Variants in SCUBE1 observed in about 807,000 individuals in gnomAD.
The protein encoded by SCUBE1 is signal peptide, CUB and EGF-like domain-containing protein 1.
Under a neutral mutation model 124.4 loss-of-function variants are expected in SCUBE1, and 59 were observed. The ratio of observed to expected loss-of-function variants is 0.47; its 90% CI spans 0.38 to 0.59. The LOEUF is 0.59. Among genes scored for constraint, SCUBE1 ranks in the 20% least tolerant of loss-of-function variants. The pLI, the probability that SCUBE1 is intolerant of heterozygous loss-of-function variation, is 0.00. For missense variants in SCUBE1, 1,150 were observed against 1,371.2 expected (o/e 0.84, Z 2.55); for synonymous variants, 545 against 550.9 (o/e 0.99, Z 0.15).
chr22:43,262,463 G>A lies in SCUBE1; in HGVS notation c.610+257C>T, dbSNP rs536253505. ...TTCCTGCTGGACAGCTTAGGCTCAG[G>A]GGCTGCCATAAGATCCAGCCCAGCT... On this transcript the variant is annotated intron_variant, in intron 5 of 21. Transcript: ENST00000360835. 1.1e-4 allele frequency among the ~76,000 whole-genome samples: 17 copies of A among 152,288 alleles called. No homozygotes were observed. The East Asian group carries it at 1.5e-3, about 14-fold the overall frequency.
chr22:43,292,934 C>T (rs1027652057), intron 3 of SCUBE1, among the ~76,000 whole-genome samples: 12 of 152,248 alleles, frequency 7.9e-5, no homozygotes, highest in Admixed American at 4.6e-4. Context: ...GTGGCCCTCG[C>T]TGAGAGGAGC....
At chr22:43,245,920 G>A (rs1431240829) in intron 6 of SCUBE1, among the ~76,000 whole-genome samples, 1 of 152,142 alleles carries the variant, frequency 6.6e-6, no homozygotes, top group Non-Finnish European at 1.5e-5. Flanking sequence ...CTCGTGACTA[G>A]TGGGCGGGTG....
chr22:43,202,327 C>CG lies in SCUBE1; in HGVS notation c.*1669dup, dbSNP rs375453635. 6.6e-6 allele frequency: 1 copy of CG among 152,188 alleles called. No homozygotes were observed. The highest frequency in any genetic ancestry group is 2.4e-5 in the African/African-American group (1 of 41,416). The allele number at this position is 152,188 out of a possible 1,614,324, so 9.4% of individuals were successfully genotyped here. A position where few individuals can be genotyped will look rare whatever the true frequency, so the allele number is the denominator to read the frequency against. On this transcript the variant is annotated 3_prime_UTR_variant, in exon 22 of 22. Coordinates refer to ENST00000360835, the MANE Select transcript of SCUBE1 (RefSeq NM_173050.5). ...TGTTTCTCGCCAGCCAGGCTGGGCCCGGGGGTGACCAGGAGGAACCCTAGA... is the reference window on the plus strand; with the variant it reads ...TGTTTCTCGCCAGCCAGGCTGGGCCCGGGGGGTGACCAGGAGGAACCCTAGA...
chr22:43,235,265 G>GT (rs1482414000), intron 7 of SCUBE1, among the ~76,000 whole-genome samples: 1 of 152,174 alleles, frequency 6.6e-6, no homozygotes, highest in Non-Finnish European at 1.5e-5. Flanking sequence ...GCTTGAGTGG[G>GT]TGTGCATGGG....
chr22:43,221,342 G>A (rs2146668405), intron 12 of SCUBE1, 53 bp from the exon 13 acceptor site: 3 of 1,083,694 alleles, frequency 2.8e-6, no homozygotes, highest in Non-Finnish European at 4.2e-6. Context: ...AGGCAAGGAG[G>A]TGGTGGGGGA....
At chr22:43,252,817 T>C (rs1412175366) in intron 6 of SCUBE1, among the ~76,000 whole-genome samples, 5 of 152,020 alleles carry the variant, frequency 3.3e-5, no homozygotes, top group Admixed American at 6.6e-5. Context: ...ATGGGAACGG[T>C]CACCTCCCTT....
At chr22:43,277,181 C>T (rs750552560) in intron 4 of SCUBE1, among the ~76,000 whole-genome samples, 14 of 151,988 alleles carry the variant, frequency 9.2e-5, no homozygotes, top group Non-Finnish European at 1.9e-4. Context: ...TCAGGATGAG[C>T]GGGAGTTCCA....
At chr22:43,257,334 T>C (rs1601834665) in intron 6 of SCUBE1, among the ~76,000 whole-genome samples, 1 of 152,380 alleles carries the variant, frequency 6.6e-6, no homozygotes, top group Non-Finnish European at 1.5e-5. Flanking sequence ...AACTGACTTG[T>C]GTTGGGTTTC....
chr22:43,315,877 G>A (rs1175888048), intron 3 of SCUBE1, among the ~76,000 whole-genome samples: 4 of 152,322 alleles, frequency 2.6e-5, no homozygotes, highest in South Asian at 2.1e-4. Flanking sequence ...GGCTGCTGGC[G>A]TCAGGCTCTG....
intron 6 of SCUBE1, among the ~76,000 whole-genome samples, chr22:43,247,326 G>A (rs1923256202): frequency 6.6e-6 from 1 of 152,176 alleles, no homozygotes; most frequent in African/African-American, 2.4e-5. Context: ...TGGCCCTGGG[G>A]TGCTGGTGGA....
intron 6 of SCUBE1, among the ~76,000 whole-genome samples, chr22:43,254,634 G>A (rs920550291): frequency 1.3e-5 from 2 of 152,156 alleles, no homozygotes; most frequent in African/African-American, 4.8e-5. Context: ...AATGGAGACC[G>A]CGCTACCTGA....
intron 14 of SCUBE1, among the ~76,000 whole-genome samples, chr22:43,219,200 T>C (rs1175748307): frequency 6.6e-6 from 1 of 152,146 alleles, no homozygotes; most frequent in Non-Finnish European, 1.5e-5. Context: ...TGGCCTGGTG[T>C]GGTAGTCAGT....
chr22:43,227,284 C>T, intron 10 of SCUBE1, 90 bp downstream of exon 10: 1 of 1,429,948 alleles, frequency 7.0e-7, no homozygotes. Context: ...GAGGGGCTGT[C>T]CTGCTCACCC....
intron 3 of SCUBE1, among the ~76,000 whole-genome samples, chr22:43,304,630 A>C (rs1467462914): frequency 6.6e-6 from 1 of 152,078 alleles, no homozygotes; most frequent in African/African-American, 2.4e-5. Context: ...TCTGGGTCTA[A>C]GACCAGGAGA....
intron 7 of SCUBE1, among the ~76,000 whole-genome samples, chr22:43,235,665 C>T (rs549518357): frequency 3.3e-5 from 5 of 152,282 alleles, no homozygotes; most frequent in South Asian, 2.1e-4. Flanking sequence ...GGAAGATACA[C>T]GTCTGCTTTC....
chr22:43,218,149 C>T (rs1457352971), intron 15 of SCUBE1, 106 bp downstream of exon 15: 4 of 1,065,984 alleles, frequency 3.8e-6, no homozygotes, highest in Admixed American at 1.7e-5. Context: ...TCTCTCTGTC[C>T]CCTCCCCAGG....
intron 15 of SCUBE1, among the ~76,000 whole-genome samples, chr22:43,214,732 G>T (rs1382388889): frequency 6.6e-6 from 1 of 152,216 alleles, no homozygotes; most frequent in Non-Finnish European, 1.5e-5. Flanking sequence ...GGCGGGCGAG[G>T]TGGGAGGGGC....
At chr22:43,325,184 C>T (rs1341332944) in intron 2 of SCUBE1, among the ~76,000 whole-genome samples, 1 of 151,888 alleles carries the variant, frequency 6.6e-6, no homozygotes, top group Non-Finnish European at 1.5e-5. Context: ...AGGACCTTGT[C>T]TTCAGGCCCC....
At chr22:43,302,718 T>C (rs933176955) in intron 3 of SCUBE1, among the ~76,000 whole-genome samples, 5 of 152,210 alleles carry the variant, frequency 3.3e-5, no homozygotes, top group African/African-American at 1.2e-4. Flanking sequence ...GCTGGACATC[T>C]GTAGGAGGCA....
Sources: gnomAD v4.1 joint callset for allele counts (sites outside exome capture counted in the v4.1 genomes callset) on GRCh38, gnomAD v4.1.1 for gene constraint, MANE v1.5 for transcripts, NCBI Gene and HGNC (gene_info 2026-07-23, HGNC 2026-07-21) for gene names.